The following ARHGAP25 variants were observed in gnomAD, a reference collection of about 807,000 sequenced individuals.
The protein encoded by ARHGAP25 is Rho GTPase activating protein 25.
A neutral mutation model predicts 71.0 loss-of-function variants in ARHGAP25; 34 were observed. The ratio of observed to expected loss-of-function variants is 0.48; its 90% CI spans 0.36 to 0.64. The LOEUF is 0.64. ARHGAP25 is among the 30% of genes least tolerant of loss of function. ARHGAP25 has a pLI of 0.00. For synonymous variants in ARHGAP25, 282 were observed against 296.5 expected (o/e 0.95, Z 0.50); for missense variants, 706 against 805.1 (o/e 0.88, Z 1.49).
chr2:68,785,260 T>C (rs1678665567), intron 3 of ARHGAP25, among the ~76,000 whole-genome samples: 1 of 152,174 alleles, frequency 6.6e-6, no homozygotes, highest in Non-Finnish European at 1.5e-5. Flanking sequence ...TAACTCATGT[T>C]TTAAAATTCT....
chr2:68,754,456 TTCTATTGTATGAATGTA>T (rs1676363823), intron 1 of ARHGAP25, among the ~76,000 whole-genome samples: 1 of 152,222 alleles, frequency 6.6e-6, no homozygotes, highest in Non-Finnish European at 1.5e-5. Context: ...TTGAGTGGTA[TTCTATTGTATGAATGTA>T]TCTATTCATC....
chr2:68,736,099 A>G (rs959957134), intron 1 of ARHGAP25, among the ~76,000 whole-genome samples: 14 of 152,226 alleles, frequency 9.2e-5, no homozygotes, highest in African/African-American at 3.1e-4. Context: ...TTAGATATAG[A>G]TAAGTATTAA....
At chr2:68,779,097 A>T (rs1678132544) in intron 2 of ARHGAP25, among the ~76,000 whole-genome samples, 1 of 152,210 alleles carries the variant, frequency 6.6e-6, no homozygotes, top group Non-Finnish European at 1.5e-5. Flanking sequence ...CCGTGGTCCC[A>T]TTGTCTCATC....
chr2:68,747,762 C>G (rs1675925079), intron 1 of ARHGAP25, among the ~76,000 whole-genome samples: 1 of 152,166 alleles, frequency 6.6e-6, no homozygotes, highest in African/African-American at 2.4e-5. Flanking sequence ...GTTGCTCAGG[C>G]TAAAAACCTA....
intron 1 of ARHGAP25, among the ~76,000 whole-genome samples, chr2:68,753,588 C>T (rs540524302): frequency 6.6e-6 from 1 of 152,236 alleles, no homozygotes; most frequent in South Asian, 2.1e-4. Flanking sequence ...GTGAAAAGAA[C>T]AAAGCTAAAT....
At chr2:68,824,563 A>C (rs1056989444) in intron 10 of ARHGAP25, among the ~76,000 whole-genome samples, 1 of 152,202 alleles carries the variant, frequency 6.6e-6, no homozygotes, top group Admixed American at 6.5e-5. Flanking sequence ...TAACACGGTG[A>C]AACCATGTCT....
chr2:68,758,833 T>C (rs1676637712), intron 1 of ARHGAP25, among the ~76,000 whole-genome samples: 1 of 151,966 alleles, frequency 6.6e-6, no homozygotes, highest in African/African-American at 2.4e-5. Context: ...GGATATTTTC[T>C]AGGATAGACC....
At chr2:68,735,441 G>T (rs948369406) in intron 1 of ARHGAP25, 181 bp downstream of exon 1, 30 of 644,236 alleles carry the variant, frequency 4.7e-5, no homozygotes, top group African/African-American at 1.3e-4. Flanking sequence ...CTGGGAGGGG[G>T]TTCTCTTTCA....
chr2:68,787,710 C>T (rs1678853974), intron 3 of ARHGAP25, 130 bp from the exon 4 acceptor site: 1 of 735,426 alleles, frequency 1.4e-6, no homozygotes, highest in South Asian at 1.5e-5. Context: ...TTCGACAATG[C>T]ATTTGTGTTG....
chr2:68,803,279 A>C (rs1194104823), intron 4 of ARHGAP25, among the ~76,000 whole-genome samples: 1 of 152,180 alleles, frequency 6.6e-6, no homozygotes, highest in African/African-American at 2.4e-5. Context: ...GGGAGAAAGT[A>C]TTGAAGAGGA....
chr2:68,822,495 A>G lies in ARHGAP25; in HGVS notation c.1356A>G (p.Thr452=), dbSNP rs1398260066. ...QTLPNRKCFL[T]SAFQGANSSK... ...TCCCTAACCGGAAATGTTTCTTGAC[A>G]TCAGCTTTTCAGGGTGCCAACAGCA... Residue 452 remains threonine, a synonymous_variant, in exon 10 of 11, where the codon ACA becomes ACG. Coordinates refer to ENST00000409202, the MANE Select transcript of ARHGAP25 (RefSeq NM_001007231.3). The G allele has an allele frequency of 4.3e-6, 7 of 1,614,134 alleles. No individual in the cohort carries two copies. In the East Asian group the frequency reaches 8.9e-5, roughly 21 times the overall value.
intron 1 of ARHGAP25, among the ~76,000 whole-genome samples, chr2:68,753,106 T>C (rs996209097): frequency 6.6e-6 from 1 of 152,166 alleles, no homozygotes; most frequent in Non-Finnish European, 1.5e-5. Flanking sequence ...CACCCCCCAG[T>C]TGAGAACTAT....
At chr2:68,807,972 T>C (rs186178119) in intron 5 of ARHGAP25, among the ~76,000 whole-genome samples, 88 of 152,318 alleles carry the variant, frequency 5.8e-4, no homozygotes, top group African/African-American at 1.9e-3. Flanking sequence ...TACTACGTGA[T>C]TCTGACTCAG....
chr2:68,755,575 A>G (rs1419688643), intron 1 of ARHGAP25, among the ~76,000 whole-genome samples: 1 of 152,260 alleles, frequency 6.6e-6, no homozygotes, highest in Admixed American at 6.5e-5. Flanking sequence ...GTTAAAGTCA[A>G]TTAATTAGCT....
At chr2:68,756,342 A>G (rs1676482560) in intron 1 of ARHGAP25, among the ~76,000 whole-genome samples, 1 of 152,254 alleles carries the variant, frequency 6.6e-6, no homozygotes, top group African/African-American at 2.4e-5. Context: ...CTGAACACAA[A>G]GGTACAGACA....
intron 4 of ARHGAP25, among the ~76,000 whole-genome samples, chr2:68,790,253 G>C (rs900769938): frequency 6.6e-6 from 1 of 152,116 alleles, no homozygotes; most frequent in Non-Finnish European, 1.5e-5. Flanking sequence ...GCTTCCCAAA[G>C]TGCTGGGATT....
intron 4 of ARHGAP25, among the ~76,000 whole-genome samples, chr2:68,801,339 G>T (rs1679947799): frequency 6.6e-6 from 1 of 152,244 alleles, no homozygotes; most frequent in Middle Eastern, 3.4e-3. Context: ...AACATGTAGA[G>T]GACAGCAAGG....
At chr2:68,751,171 T>G (rs1034890294) in intron 1 of ARHGAP25, among the ~76,000 whole-genome samples, 1 of 152,194 alleles carries the variant, frequency 6.6e-6, no homozygotes, top group Admixed American at 6.5e-5. Context: ...TAAAGGATGC[T>G]CATCCTCACG....
At chr2:68,756,387 A>C (rs1342686373) in intron 1 of ARHGAP25, among the ~76,000 whole-genome samples, 2 of 152,190 alleles carry the variant, frequency 1.3e-5, no homozygotes, top group Non-Finnish European at 2.9e-5. Context: ...AACTCTCCCT[A>C]TTGTTGTAAG....
Sources: allele counts gnomAD v4.1 joint callset (sites outside exome capture counted in the v4.1 genomes callset), GRCh38; gene constraint gnomAD v4.1.1; transcripts MANE v1.5; gene names NCBI Gene and HGNC (gene_info 2026-07-23, HGNC 2026-07-21).